Variants in ZNF574 observed in about 807,000 individuals in gnomAD.
ZNF574 encodes zinc finger protein 574.
Under a neutral mutation model 56.6 loss-of-function variants are expected in ZNF574, and 25 were observed. The ratio of observed to expected loss-of-function variants is 0.44; its 90% CI spans 0.32 to 0.62. The LOEUF (loss-of-function observed/expected upper bound fraction) is 0.62, where lower values mean the gene tolerates loss of function less well. Among genes scored for constraint, ZNF574 ranks in the 20% least tolerant of loss-of-function variants. ZNF574 has a pLI of 0.04. For synonymous variants in ZNF574, 543 were observed against 492.1 expected (o/e 1.10, Z -1.37); for missense variants, 1,065 against 1,218.9 (o/e 0.87, Z 1.88).
Position 42,079,622 on chromosome 19 carries a change from C to T in ZNF574, c.1016C>T (p.Pro339Leu), listed in dbSNP as rs2076482140. Residue 339 changes from proline to leucine, a missense_variant, in exon 2 of 2, where the codon CCC becomes CTC. Physicochemically the swap from Pro to Leu is moderately conservative, Grantham distance 98. Coordinates refer to ENST00000359044, the MANE Select transcript of ZNF574 (RefSeq NM_022752.6). The surrounding 1 kb of genome is among the most constrained non-coding windows in gnomAD (Gnocchi z 4.3). ...RSHREGVFKC[P>L]LCSRVFPSPS... The stretch of plus-strand genomic sequence containing the variant: ...CACCGGGAGGGCGTCTTTAAGTGCC[C>T]CCTGTGCAGTCGTGTCTTCCCTAGC... 2 of 1,614,050 alleles carry T rather than the reference C, an allele frequency of 1.2e-6. No individual in the cohort carries two copies. The highest frequency in any genetic ancestry group is 1.1e-5 in the South Asian group (1 of 91,084).
Position 42,079,627 on chromosome 19 carries a change from T to G in ZNF574, c.1021T>G (p.Cys341Gly). Residue 341 changes from cysteine (C) to glycine (G), a missense_variant, in exon 2 of 2, where the codon TGC becomes GGC. Transcript: ENST00000359044. This position sits in a 1 kb window ranked among gnomAD's most constrained non-coding sequence, Gnocchi z 4.3. ...HREGVFKCPL[C>G]SRVFPSPSSL... ...GGAGGGCGTCTTTAAGTGCCCCCTG[T>G]GCAGTCGTGTCTTCCCTAGCCCTTC... 6.2e-7 allele frequency: 1 copy of G among 1,614,176 alleles called. No homozygotes were observed. The highest frequency in any genetic ancestry group is 8.5e-7 in the Non-Finnish European group (1 of 1,180,022).
At chr19:42,069,059 G>T in intron 1 of ZNF574, 1 of 466,390 alleles carries the variant, frequency 2.1e-6, no homozygotes, top group South Asian at 3.8e-5. Context: ...AAGAAGAGGT[G>T]AGAAGAGGTC....
chr19:42,080,423 C>T lies in ZNF574; in HGVS notation c.1817C>T (p.Pro606Leu), dbSNP rs568880874. ...CGCTACCATCACACAGGTGAATACC[C>T]CTACAAGTGTCGCGAGTGCCCCCGC... ...MHRYHHTGEY[P>L]YKCRECPRSF... Residue 606 changes from proline to leucine, a missense_variant, in exon 2 of 2, where the codon CCC (proline) becomes CTC (leucine). Coordinates refer to ENST00000359044, the MANE Select transcript of ZNF574 (RefSeq NM_022752.6). The surrounding 1 kb of genome is among the most constrained non-coding windows in gnomAD (Gnocchi z 8.5). 6.2e-7 allele frequency: 1 copy of T among 1,614,234 alleles called. No individual in the cohort carries two copies. The highest frequency in any genetic ancestry group is 1.1e-5 in the South Asian group (1 of 91,092).
chr19:42,074,702 T>C (rs1007888076), upstream of ZNF574: 2 of 152,128 alleles, frequency 1.3e-5, no homozygotes, highest in African/African-American at 4.8e-5. Context: ...GGGAATTTAA[T>C]CCATGAGAAG....
chr19:42,077,234 G>T (rs1233160470), intron 1 of ZNF574, among the ~76,000 whole-genome samples: 1 of 152,114 alleles, frequency 6.6e-6, no homozygotes, highest in Non-Finnish European at 1.5e-5. Flanking sequence ...TTAAGGTGGT[G>T]ATGGAGGTTC....
At position 42,080,998 on chromosome 19, in the gene ZNF574, G is replaced by C. The variant is rs1303342474; in HGVS notation, c.2392G>C (p.Val798Leu). The C allele has an allele frequency of 3.7e-6, 6 of 1,614,128 alleles. No homozygotes were observed. In the Admixed American group the frequency reaches 1.0e-4, roughly 27 times the overall value. The change falls in exon 2 of 2, where the codon GTG becomes CTG. Residue 798 changes from valine (V) to leucine (L), a missense_variant. Physicochemically the swap from Val to Leu is conservative, Grantham distance 32. Coordinates refer to ENST00000359044, the MANE Select transcript of ZNF574 (RefSeq NM_022752.6). This position sits in a 1 kb window ranked among gnomAD's most constrained non-coding sequence, Gnocchi z 8.5. ...AGGTGAGCGGCCCTTTGCCTGTGAA[G>C]TGTGTGGCAAGGCCTTTGCCATCTC... Reference protein sequence around the residue: ...HTGERPFACEVCGKAFAISMR... With the variant: ...HTGERPFACELCGKAFAISMR...
Position 42,079,958 on chromosome 19 carries a change from C to T in ZNF574, c.1352C>T (p.Pro451Leu). ...GGAGAGCCAGAGGCCCCTGAGCCCC[C>T]TGTGTCTGAGGAGACCTCAGCAGGG... Reference protein sequence around the residue: ...ETGEPEAPEPPVSEETSAGPA... With the variant: ...ETGEPEAPEPLVSEETSAGPA... Residue 451 changes from proline to leucine, a missense_variant, in exon 2 of 2, where the codon CCT becomes CTT. Physicochemically the swap from Pro to Leu is moderately conservative, Grantham distance 98 (BLOSUM62 -3). Coordinates refer to ENST00000359044, the MANE Select transcript of ZNF574 (RefSeq NM_022752.6). This position sits in a 1 kb window ranked among gnomAD's most constrained non-coding sequence, Gnocchi z 4.3. 6.2e-7 allele frequency: 1 copy of T among 1,613,896 alleles called. No homozygotes were observed. Among genetic ancestry groups the T allele is most frequent in the African/African-American group, 1.3e-5 (1 of 75,042 alleles).
chr19:42,079,156 C>T lies in ZNF574; in HGVS notation c.550C>T (p.Arg184Ter), dbSNP rs1447267578. Residue 184 changes from arginine (R) to a stop codon, truncating the protein, a stop_gained, in exon 2 of 2, where the codon CGA (arginine) becomes TGA (stop). Transcript: ENST00000359044. LOFTEE classifies it high-confidence loss of function. The surrounding 1 kb of genome is among the most constrained non-coding windows in gnomAD (Gnocchi z 4.3). ...QARVAVEHSY[R>*]KAEEGGEGAT... ...CCGAGTGGCTGTGGAGCACTCATAC[C>T]GAAAGGCAGAAGAGGGTGGGGAAGG... is the stretch of plus-strand genomic sequence containing the variant. 9 of 1,613,850 alleles carry T rather than the reference C, an allele frequency of 5.6e-6. No homozygotes were observed. The highest frequency in any genetic ancestry group is 1.3e-5 in the African/African-American group (1 of 74,914).
chr19:42,071,527 GGACACACATCT>G (rs2076422221), upstream of ZNF574, among the ~76,000 whole-genome samples: 1 of 152,058 alleles, frequency 6.6e-6, no homozygotes, highest in African/African-American at 2.4e-5. Flanking sequence ...GGGGCATCCT[GGACACACATCT>G]GACACATATA....
chr19:42,080,711 C>T lies in ZNF574; in HGVS notation c.2105C>T (p.Pro702Leu). The T allele has an allele frequency of 6.2e-7, 1 of 1,613,490 alleles. No homozygotes were observed. Among genetic ancestry groups the T allele is most frequent in the Non-Finnish European group, 8.5e-7 (1 of 1,179,916 alleles). ...CCTGGAGAGGTCCTGGCTAAGGAGC[C>T]CCCTGCCCCTCGAGCCCCACGGGCC... ...AGPGEVLAKE[P>L]PAPRAPRATR... The change falls in exon 2 of 2, where the codon CCC becomes CTC. Residue 702 changes from proline (P) to leucine (L), a missense_variant. By Grantham distance (98) the Pro-to-Leu change is moderately conservative. Coordinates refer to ENST00000359044, the MANE Select transcript of ZNF574 (RefSeq NM_022752.6). This position sits in a 1 kb window ranked among gnomAD's most constrained non-coding sequence, Gnocchi z 8.5.
chr19:42,073,561 C>G (rs994003196), upstream of ZNF574, among the ~76,000 whole-genome samples: 7 of 151,358 alleles, frequency 4.6e-5, no homozygotes, highest in African/African-American at 1.5e-4. Flanking sequence ...TGGCTCATGC[C>G]TGTAATCCCA....
chr19:42,079,753 C>T lies in ZNF574; in HGVS notation c.1147C>T (p.Arg383Trp), dbSNP rs761404877. 24 of 1,614,180 alleles carry T rather than the reference C, an allele frequency of 1.5e-5. No homozygotes were observed. Among genetic ancestry groups the T allele is most frequent in the South Asian group, 2.2e-5 (2 of 91,086 alleles). ...CACAGAGGCCCTCCTCCTGGCCCACCGGCGAGCCCACACCCCGAATCCTCT... is the reference window on the plus strand; with the variant it reads ...CACAGAGGCCCTCCTCCTGGCCCACTGGCGAGCCCACACCCCGAATCCTCT... ...FGTEALLLAHRRAHTPNPLHS... is the reference protein window; with the variant it reads ...FGTEALLLAHWRAHTPNPLHS... Residue 383 changes from arginine (R) to tryptophan (W), a missense_variant, in exon 2 of 2, where the codon CGG becomes TGG. Coordinates refer to ENST00000359044, the MANE Select transcript of ZNF574 (RefSeq NM_022752.6). This position sits in a 1 kb window ranked among gnomAD's most constrained non-coding sequence, Gnocchi z 4.3.
chr19:42,079,426 C>G lies in ZNF574; in HGVS notation c.820C>G (p.His274Asp). The G allele has an allele frequency of 1.2e-6, 2 of 1,613,670 alleles. No homozygotes were observed. Among genetic ancestry groups the G allele is most frequent in the East Asian group, 2.2e-5 (1 of 44,892 alleles). ...GCCTGACCCCTTGCCAGCTTCTGAC[C>G]ACAGTTACGAGCTGCGCAATGGTGA... is the stretch of plus-strand genomic sequence containing the variant. ...SQPDPLPASD[H>D]SYELRNGEAI... The change falls in exon 2 of 2, where the codon CAC becomes GAC. Residue 274 changes from histidine (H) to aspartate (D), a missense_variant. By Grantham distance (81) the His-to-Asp change is moderately conservative. Transcript: ENST00000359044. This position sits in a 1 kb window ranked among gnomAD's most constrained non-coding sequence, Gnocchi z 4.3.
Position 42,081,375 on chromosome 19 carries a change from T to A in ZNF574, c.*78T>A. On this transcript the variant is annotated 3_prime_UTR_variant, in exon 2 of 2. Coordinates refer to ENST00000359044, the MANE Select transcript of ZNF574 (RefSeq NM_022752.6). ...CAGCATCCCCTTAAGCATCTGTACA[T>A]ACTGTGTCCCTTCCTCTTCCCATCC... The A allele has an allele frequency of 6.4e-7, 1 of 1,554,788 alleles. No homozygotes were observed. Among genetic ancestry groups the A allele is most frequent in the Non-Finnish European group, 8.9e-7 (1 of 1,127,392 alleles).
Position 42,079,908 on chromosome 19 carries a change from C to T in ZNF574, c.1302C>T (p.Phe434=), listed in dbSNP as rs767319503. The T allele has an allele frequency of 3.1e-6, 5 of 1,613,892 alleles. No individual in the cohort carries two copies. In the South Asian group the frequency reaches 3.3e-5, roughly 11 times the overall value. ...CACCAGAGGAACCTGTCATTGGTTTCCCTGAGCCAGCCCCAGCAGAGACTG... is the reference window on the plus strand; with the variant it reads ...CACCAGAGGAACCTGTCATTGGTTTTCCTGAGCCAGCCCCAGCAGAGACTG... ...PVPPEEPVIG[F]PEPAPAETGE... The change falls in exon 2 of 2, where the codon TTC becomes TTT. Residue 434 remains phenylalanine (F), a synonymous_variant. Transcript: ENST00000359044. This position sits in a 1 kb window ranked among gnomAD's most constrained non-coding sequence, Gnocchi z 4.3.
At chr19:42,077,022 A>G (rs1294806998) in intron 1 of ZNF574, among the ~76,000 whole-genome samples, 2 of 152,062 alleles carry the variant, frequency 1.3e-5, no homozygotes, top group Non-Finnish European at 2.9e-5. Flanking sequence ...AGTACAGGTA[A>G]TTAGGCCAAG....
At position 42,079,428 on chromosome 19, in the gene ZNF574, C is replaced by G; in HGVS notation, c.822C>G (p.His274Gln). ...SQPDPLPASD[H>Q]SYELRNGEAI... ...CTGACCCCTTGCCAGCTTCTGACCACAGTTACGAGCTGCGCAATGGTGAAG... is the reference window on the plus strand; with the variant it reads ...CTGACCCCTTGCCAGCTTCTGACCAGAGTTACGAGCTGCGCAATGGTGAAG... Residue 274 changes from histidine to glutamine, a missense_variant, in exon 2 of 2, where the codon CAC becomes CAG. Transcript: ENST00000359044. The surrounding 1 kb of genome is among the most constrained non-coding windows in gnomAD (Gnocchi z 4.3). The G allele has an allele frequency of 6.2e-7, 1 of 1,613,668 alleles. No homozygotes were observed. The highest frequency in any genetic ancestry group is 8.5e-7 in the Non-Finnish European group (1 of 1,180,036).
At chr19:42,070,315 A>T (rs1475083111) in intron 1 of ZNF574, 1 of 151,962 alleles carries the variant, frequency 6.6e-6, no homozygotes, top group Non-Finnish European at 1.5e-5. Flanking sequence ...GAGTCGGGGG[A>T]GGGGGAGCCT....
Position 42,080,596 on chromosome 19 carries a change from C to A in ZNF574, c.1990C>A (p.Pro664Thr). 6.2e-7 allele frequency: 1 copy of A among 1,612,838 alleles called. No homozygotes were observed. ...CTGTGCAGCCGCTGCTGCCCAGGCCCCACGGCGCTTTGAGTGTGGCACCTG... is the reference window on the plus strand; with the variant it reads ...CTGTGCAGCCGCTGCTGCCCAGGCCACACGGCGCTTTGAGTGTGGCACCTG... Reference protein sequence around the residue: ...HRCAAAAAQAPRRFECGTCGK... With the variant: ...HRCAAAAAQATRRFECGTCGK... The change falls in exon 2 of 2, where the codon CCA (proline) becomes ACA (threonine). Residue 664 changes from proline (P) to threonine (T), a missense_variant. Coordinates refer to ENST00000359044, the MANE Select transcript of ZNF574 (RefSeq NM_022752.6). The surrounding 1 kb of genome is among the most constrained non-coding windows in gnomAD (Gnocchi z 8.5).
Sources: gnomAD v4.1 joint callset for allele counts (sites outside exome capture counted in the v4.1 genomes callset) on GRCh38, gnomAD v4.1.1 for gene constraint, Gnocchi (gnomAD v3.1) non-coding constraint, MANE v1.5 for transcripts, NCBI Gene and HGNC (gene_info 2026-07-23, HGNC 2026-07-21) for gene names.